DMBT1: variants seen among roughly 807,000 people sequenced by gnomAD.
DMBT1 encodes the protein deleted in malignant brain tumors 1.
A neutral mutation model predicts 252.9 loss-of-function variants in DMBT1; 198 were observed. The ratio of observed to expected loss-of-function variants is 0.78; its 90% confidence interval spans 0.70 to 0.88. The LOEUF (loss-of-function observed/expected upper bound fraction) is 0.88, where lower values mean the gene tolerates loss of function less well. Ranked by LOEUF, DMBT1 falls within the 40% of genes least tolerant of loss-of-function variation. The pLI is 0.00. For missense variants in DMBT1, 2,432 were observed against 2,404.7 expected, an observed-to-expected ratio of 1.01 and a Z score of -0.24; for synonymous variants, 990 against 942.7, an observed-to-expected ratio of 1.05 and a Z score of -0.92.
rs111721313 is a variant in DMBT1 at position 122,638,314 on chromosome 10, T to C, written c.6942+1002T>C. Among the ~76,000 whole-genome samples the C allele has an allele frequency of 1.2e-3, 181 of 152,298 alleles. 1 individual carries two copies. The highest frequency in any genetic ancestry group is 4.2e-3 in the African/African-American group (175 of 41,574). On this transcript the variant is annotated intron_variant, in intron 54 of 55. Coordinates refer to ENST00000338354, the MANE Select transcript of DMBT1 (RefSeq NM_001377530.1). ...ACCCATTCACACCCATTCACACTCG[T>C]TCACACCCATTCACACCCGTTTGGA...
At chr10:122,599,155 C>G in intron 26 of DMBT1, 58 bp downstream of exon 26, 1 of 1,612,276 alleles carries the variant, frequency 6.2e-7, no homozygotes, top group Non-Finnish European at 8.5e-7. Flanking sequence ...CCAGAAGAAA[C>G]TCCTAATTAC....
At chr10:122,577,502 C>G (rs2097723020) in intron 7 of DMBT1, among the ~76,000 whole-genome samples, 1 of 152,198 alleles carries the variant, frequency 6.6e-6, no homozygotes, top group African/African-American at 2.4e-5. Flanking sequence ...GGGTCTTCAT[C>G]TACTCATTGC....
Position 122,591,807 on chromosome 10 carries a change from T to A in DMBT1, c.2176+290T>A, listed in dbSNP as rs2097851460. ...CTCCCTACTCCTGGGACCTCATTCC[T>A]GGCCTTCTGGCCATGCATTGCAGAC... On this transcript the variant is annotated intron_variant, in intron 19 of 55. Transcript: ENST00000338354. Among the ~76,000 whole-genome samples, 4 of 149,252 alleles carry A rather than the reference T, an allele frequency of 2.7e-5. 1 individual carries two copies. In the South Asian group the frequency reaches 8.9e-4, roughly 33 times the overall value.
At position 122,630,502 on chromosome 10, in the gene DMBT1, C is replaced by T. The variant is rs755173565; in HGVS notation, c.6025+12C>T. 2.0e-5 allele frequency: 33 copies of T among 1,612,840 alleles called. No individual in the cohort carries two copies. Among genetic ancestry groups the T allele is most frequent in the Non-Finnish European group, 1.5e-5 (18 of 1,179,092 alleles). ...CTCCTTCCCAAGCGGTAAGTGCACACTAGACCATGCCTATGAGGCTTGGTG... is the reference window on the plus strand; with the variant it reads ...CTCCTTCCCAAGCGGTAAGTGCACATTAGACCATGCCTATGAGGCTTGGTG... On this transcript the variant is annotated intron_variant, in intron 48 of 55. Coordinates refer to ENST00000338354, the MANE Select transcript of DMBT1 (RefSeq NM_001377530.1).
rs772936297 is a variant in DMBT1 at position 122,586,312 on chromosome 10, G to A, written c.1712G>A (p.Trp571Ter). 1.9e-6 allele frequency: 3 copies of A among 1,588,644 alleles called. No individual in the cohort carries two copies. Among genetic ancestry groups the A allele is most frequent in the East Asian group, 2.3e-5 (1 of 42,742 alleles). ...TGCTCAGGGAATGAGTCCTACTTGT[G>A]GAGCTGCCCCCACAATGGCTGGCTC... ...VRCSGNESYL[W>*]SCPHNGWLSH... The change falls in exon 16 of 56, where the codon TGG (tryptophan) becomes TAG (stop). Residue 571 changes from tryptophan (W) to a stop codon, truncating the protein, a stop_gained. Coordinates refer to ENST00000338354, the MANE Select transcript of DMBT1 (RefSeq NM_001377530.1). LOFTEE classifies it high-confidence loss of function.
chr10:122,618,254 A>C lies in DMBT1; in HGVS notation c.5129A>C (p.His1710Pro), dbSNP rs1421037484. 6.2e-7 allele frequency: 1 copy of C among 1,613,764 alleles called. No homozygotes were observed. The highest frequency in any genetic ancestry group is 1.7e-5 in the Admixed American group (1 of 60,008). ...IVLDDVRCSG[H>P]ESYLWSCPHN... Reference sequence around the variant, plus strand: ...CTGGATGATGTGCGCTGCTCAGGACACGAGTCTTACCTGTGGAGCTGCCCC... The same window carrying C: ...CTGGATGATGTGCGCTGCTCAGGACCCGAGTCTTACCTGTGGAGCTGCCCC... Residue 1710 changes from histidine to proline, a missense_variant, in exon 41 of 56, where the codon CAC (histidine) becomes CCC (proline). His to Pro is a moderately conservative substitution (Grantham distance 77). Transcript: ENST00000338354.
At position 122,578,740 on chromosome 10, in the gene DMBT1, ACCACCTGTAC is replaced by A. The variant is rs1167917260; in HGVS notation, c.665_674del (p.Pro222GlnfsTer10). On this transcript the variant is annotated frameshift_variant, in exon 9 of 56. Transcript: ENST00000338354. LOFTEE classifies it high-confidence loss of function. ...CAGAAAGTTGGCCTGTCAGGATATC[ACCACCTGTAC>A]CCACAGAAGGTAAAGAATCCTCTCA... The A allele has an allele frequency of 6.2e-7, 1 of 1,608,792 alleles. No individual in the cohort carries two copies. The highest frequency in any genetic ancestry group is 1.7e-5 in the Admixed American group (1 of 59,556).
At chr10:122,588,621 G>T (rs2097816986) in intron 16 of DMBT1, among the ~76,000 whole-genome samples, 1 of 148,910 alleles carries the variant, frequency 6.7e-6, no homozygotes, top group African/African-American at 2.4e-5. Context: ...TCTTGAACAT[G>T]GGGACAGCAT....
chr10:122,590,684 G>A lies in DMBT1; in HGVS notation c.2127G>A (p.Thr709=), dbSNP rs906126868. The A allele has an allele frequency of 4.4e-6, 7 of 1,587,580 alleles. No individual in the cohort carries two copies. The highest frequency in any genetic ancestry group is 1.7e-4 in the Middle Eastern group (1 of 6,036). Residue 709 remains threonine, a synonymous_variant, in exon 18 of 56, where the codon ACG becomes ACA. Transcript: ENST00000338354. ...VICSAAQSRS[T]PRPDTLSTIT... is the part of the protein sequence containing the mutation. Reference sequence around the variant, plus strand: ...TCACAGCTGCCCAGTCCCGGTCGACGCCCAGGCCAGGTGAGTCCCCAGTGT... The same window carrying A: ...TCACAGCTGCCCAGTCCCGGTCGACACCCAGGCCAGGTGAGTCCCCAGTGT...
chr10:122,580,842 G>C (rs764849202), intron 10 of DMBT1, 24 bp from the exon 11 acceptor site: 5 of 1,613,628 alleles, frequency 3.1e-6, no homozygotes, highest in South Asian at 1.1e-5. Context: ...TTCCTGATCT[G>C]ACCTTCTCTT....
Position 122,578,611 on chromosome 10 carries a change from C to T in DMBT1, c.638-107C>T, listed in dbSNP as rs141555000. ...CATGGGGAGCAAGTGGCCAGACCTTCGAGTGGAATTGTTTTCACAGTGCTT... is the reference window on the plus strand; with the variant it reads ...CATGGGGAGCAAGTGGCCAGACCTTTGAGTGGAATTGTTTTCACAGTGCTT... On this transcript the variant is annotated intron_variant, in intron 8 of 55. Coordinates refer to ENST00000338354, the MANE Select transcript of DMBT1 (RefSeq NM_001377530.1). The T allele has an allele frequency of 4.5e-4, 439 of 976,750 alleles. 4 individuals are homozygous for T. The East Asian group carries it at 8.9e-3, about 20-fold the overall frequency. 60.5% of individuals were successfully genotyped at this position (976,750 alleles called of 1,614,324 possible).
intron 40 of DMBT1, 21 bp from the exon 41 acceptor site, chr10:122,617,996 G>A (rs193014335): frequency 1.9e-6 from 3 of 1,603,788 alleles, no homozygotes; most frequent in Non-Finnish European, 2.5e-6. Flanking sequence ...ATGGATGAAG[G>A]GTTCTTGTGT....
rs750502559 is a variant in DMBT1 at position 122,629,796 on chromosome 10, C to G, written c.5669-44C>G. The G allele has an allele frequency of 3.1e-6, 5 of 1,595,870 alleles. No homozygotes were observed. In the South Asian group the frequency reaches 5.6e-5, roughly 18 times the overall value. On this transcript the variant is annotated intron_variant, in intron 46 of 55. Transcript: ENST00000338354. Reference sequence around the variant, plus strand: ...CAGATGATTCCTTGTCACAAAATACCTGAAGACCTGGTACAATGGAGATGT... The same window carrying G: ...CAGATGATTCCTTGTCACAAAATACGTGAAGACCTGGTACAATGGAGATGT...
chr10:122,572,361 G>A lies in DMBT1; in HGVS notation c.235G>A (p.Gly79Ser). The change falls in exon 5 of 56, where the codon GGT (glycine) becomes AGT (serine). Residue 79 changes from glycine to serine, a missense_variant and splice_region_variant. Gly to Ser is a moderately conservative substitution (Grantham distance 56, BLOSUM62 0). Around this residue, in one of 3 missense-constraint regions of DMBT1, gnomAD observed 1,264 missense variants for 1,082.2 expected, o/e 1.17. Transcript: ENST00000338354. ...ESTLESTVAE[G>S]SLIPSESTLE... Reference sequence around the variant, plus strand: ...AACCCTGGAGTCAACCGTAGCAGAAGGTAACGTCTACTATGGGGGAGCTCT... The same window carrying A: ...AACCCTGGAGTCAACCGTAGCAGAAAGTAACGTCTACTATGGGGGAGCTCT... 6.2e-7 allele frequency: 1 copy of A among 1,612,998 alleles called. No homozygotes were observed. Among genetic ancestry groups the A allele is most frequent in the Non-Finnish European group, 8.5e-7 (1 of 1,179,172 alleles).
chr10:122,631,165 T>C lies in DMBT1; in HGVS notation c.6230T>C (p.Ile2077Thr), dbSNP rs2098161997. 6.2e-7 allele frequency: 1 copy of C among 1,613,854 alleles called. No individual in the cohort carries two copies. The highest frequency in any genetic ancestry group is 1.3e-5 in the African/African-American group (1 of 74,922). The change falls in exon 49 of 56, where the codon ATC (isoleucine) becomes ACC (threonine). Residue 2077 changes from isoleucine (I) to threonine (T), a missense_variant. Transcript: ENST00000338354. ...NAYFGSGSGP[I>T]TLDDVECSGT... ...TATTTTGGCTCTGGCTCTGGCCCCA[T>C]CACCCTGGACGATGTAGAGTGCTCA...
chr10:122,570,773 G>A, intron 3 of DMBT1, 117 bp from the exon 4 acceptor site: 1 of 1,278,192 alleles, frequency 7.8e-7, no homozygotes, highest in Non-Finnish European at 1.1e-6. Context: ...TTTAGCAATG[G>A]AGGTTGCCCT....
intron 1 of DMBT1, among the ~76,000 whole-genome samples, chr10:122,562,414 C>T (rs1199894555): frequency 6.6e-6 from 1 of 152,144 alleles, no homozygotes; most frequent in Non-Finnish European, 1.5e-5. Context: ...GGGAGCAGGC[C>T]CACCCCCTGT....
In DMBT1 at chr10:122,579,910, T is replaced by A; in HGVS notation, c.1003+9T>A. 6.2e-7 allele frequency: 1 copy of A among 1,613,762 alleles called. No homozygotes were observed. The highest frequency in any genetic ancestry group is 8.5e-7 in the Non-Finnish European group (1 of 1,179,752). ...TGGTGTCATCTGCTCAGGTGGGCCT[T>A]CAAGAACTTGGGCTCACTCTCTTGG... is the stretch of plus-strand genomic sequence containing the variant. On this transcript the variant is annotated intron_variant, in intron 10 of 55. Transcript: ENST00000338354.
In DMBT1 at chr10:122,586,352, C is replaced by T. The variant is rs762671923; in HGVS notation, c.1752C>T (p.Gly584=). ...PHNGWLSHNC[G]HSEDAGVICS... is the part of the protein sequence containing the mutation. The stretch of plus-strand genomic sequence containing the variant: ...ATGGCTGGCTCTCCCATAACTGTGG[C>T]CATAGTGAAGACGCTGGTGTCATCT... The change falls in exon 16 of 56, where the codon GGC becomes GGT. Residue 584 remains glycine, a synonymous_variant. Transcript: ENST00000338354. 2 of 1,588,076 alleles carry T rather than the reference C, an allele frequency of 1.3e-6. No individual in the cohort carries two copies. The highest frequency in any genetic ancestry group is 2.3e-5 in the South Asian group (2 of 86,942).
Sources: allele counts gnomAD v4.1 joint callset (sites outside exome capture counted in the v4.1 genomes callset), GRCh38; gene constraint gnomAD v4.1.1; regional missense constraint gnomAD v4.1.1; transcripts MANE v1.5; gene names NCBI Gene and HGNC (gene_info 2026-07-23, HGNC 2026-07-21).